FAF1: variants seen among roughly 807,000 people sequenced by gnomAD.
FAF1 encodes Fas associated factor 1, also known as FAS-associated factor 1.
Under a neutral mutation model 92.5 loss-of-function variants are expected in FAF1, and 25 were observed. The ratio of observed to expected loss-of-function variants is 0.27; its 90% confidence interval spans 0.20 to 0.38. The LOEUF is 0.38. Among genes scored for constraint, FAF1 ranks in the 10% least tolerant of loss-of-function variants. The pLI, the probability that FAF1 is intolerant of heterozygous loss-of-function variation, is 1.00. For synonymous variants in FAF1, 234 were observed against 273.2 expected (o/e 0.86, Z 1.42); for missense variants, 636 against 793.3 (o/e 0.80, Z 2.38).
chr1:50,514,974 T>C (rs1301956027), intron 15 of FAF1, among the ~76,000 whole-genome samples: 1 of 152,202 alleles, frequency 6.6e-6, no homozygotes, highest in Non-Finnish European at 1.5e-5. Context: ...GATTATGGCA[T>C]TAACCTGTTA....
At chr1:50,813,238 AG>A (rs1643933698) in intron 2 of FAF1, among the ~76,000 whole-genome samples, 1 of 152,188 alleles carries the variant, frequency 6.6e-6, no homozygotes, top group African/African-American at 2.4e-5. Flanking sequence ...AGAAAAGCAC[AG>A]GGGAAAAATT....
At chr1:50,745,059 G>T (rs1659535358) in intron 4 of FAF1, among the ~76,000 whole-genome samples, 1 of 152,134 alleles carries the variant, frequency 6.6e-6, no homozygotes, top group Non-Finnish European at 1.5e-5. Flanking sequence ...AGGCCAAGGT[G>T]GGCAGATCAC....
chr1:50,718,716 G>A (rs1363719657), intron 6 of FAF1, among the ~76,000 whole-genome samples: 1 of 152,008 alleles, frequency 6.6e-6, no homozygotes, highest in African/African-American at 2.4e-5. Flanking sequence ...ATTTTAAAAT[G>A]TGGTATTGAA....
chr1:50,475,435 T>C (rs1646626541), intron 18 of FAF1, 29 bp downstream of exon 18: 2 of 1,551,014 alleles, frequency 1.3e-6, no homozygotes, highest in South Asian at 1.1e-5. Context: ...CACCTGGATA[T>C]ACTTCCTGAG....
intron 2 of FAF1, among the ~76,000 whole-genome samples, chr1:50,831,903 C>T (rs1046504650): frequency 4.6e-5 from 7 of 151,804 alleles, no homozygotes; most frequent in African/African-American, 7.3e-5. Flanking sequence ...ACCTGAGCTC[C>T]GCCTCTCGTC....
chr1:50,954,137 C>CA (rs1184738211), intron 1 of FAF1, among the ~76,000 whole-genome samples: 1 of 151,926 alleles, frequency 6.6e-6, no homozygotes, highest in African/African-American at 2.4e-5. Flanking sequence ...TTAGTAGAGA[C>CA]AGAGTTTCAC....
At chr1:50,916,580 G>A (rs1383295608) in intron 1 of FAF1, among the ~76,000 whole-genome samples, 1 of 152,174 alleles carries the variant, frequency 6.6e-6, no homozygotes. Context: ...TAGAAACAAA[G>A]ATCTTCAAAC....
chr1:50,615,068 T>C (rs539931961), intron 8 of FAF1, among the ~76,000 whole-genome samples: 1 of 152,288 alleles, frequency 6.6e-6, no homozygotes, highest in South Asian at 2.1e-4. Context: ...CCACAGTGTC[T>C]ACTGTTCCCA....
At chr1:50,740,582 T>G in intron 5 of FAF1, among the ~76,000 whole-genome samples, 1 of 152,160 alleles carries the variant, frequency 6.6e-6, no homozygotes, top group Middle Eastern at 3.2e-3. Flanking sequence ...GTATTCTATT[T>G]CTCTTTTTTC....
intron 4 of FAF1, among the ~76,000 whole-genome samples, chr1:50,783,347 C>T (rs1373461935): frequency 2.0e-5 from 3 of 152,204 alleles, no homozygotes; most frequent in African/African-American, 7.2e-5. Flanking sequence ...TACTTCCTAA[C>T]TTCTTTCACG....
At chr1:50,614,516 A>T (rs909496680) in intron 8 of FAF1, among the ~76,000 whole-genome samples, 1 of 108,396 alleles carries the variant, frequency 9.2e-6, no homozygotes, top group East Asian at 2.0e-4. Context: ...TGATCAACAC[A>T]TAGTAATATT....
intron 7 of FAF1, among the ~76,000 whole-genome samples, chr1:50,689,175 T>TAA (rs1207965145): frequency 6.6e-6 from 1 of 152,246 alleles, no homozygotes; most frequent in African/African-American, 2.4e-5. Flanking sequence ...GTTAAAATGC[T>TAA]AAATTTTGTT....
intron 15 of FAF1, among the ~76,000 whole-genome samples, chr1:50,528,149 T>C (rs1218916938): frequency 6.6e-6 from 1 of 152,120 alleles, no homozygotes; most frequent in African/African-American, 2.4e-5. Flanking sequence ...ATTATAGCCG[T>C]GAGCCACTGC....
intron 3 of FAF1, among the ~76,000 whole-genome samples, chr1:50,793,080 A>G (rs1253874140): frequency 6.6e-6 from 1 of 152,136 alleles, no homozygotes; most frequent in Non-Finnish European, 1.5e-5. Flanking sequence ...CTAAAATACT[A>G]CTTGATCTAT....
At chr1:50,574,897 T>C (rs1187132352) in intron 12 of FAF1, among the ~76,000 whole-genome samples, 1 of 127,014 alleles carries the variant, frequency 7.9e-6, no homozygotes, top group Admixed American at 7.7e-5. Flanking sequence ...TTGTATTAAC[T>C]CTTTTTTTTT....
At chr1:50,519,366 A>AG in intron 15 of FAF1, among the ~76,000 whole-genome samples, 1 of 97,616 alleles carries the variant, frequency 1.0e-5, no homozygotes, top group African/African-American at 4.5e-5. Context: ...GAAGGAAGGA[A>AG]GGAAGGAGGG....
chr1:50,783,237 C>T (rs547369483), intron 4 of FAF1, among the ~76,000 whole-genome samples: 1 of 152,066 alleles, frequency 6.6e-6, no homozygotes, highest in African/African-American at 2.4e-5. Context: ...AATCTCCCAA[C>T]AAAGAAACAT....
intron 8 of FAF1, among the ~76,000 whole-genome samples, chr1:50,650,217 G>A (rs1654794267): frequency 6.7e-6 from 1 of 149,588 alleles, no homozygotes; most frequent in South Asian, 2.1e-4. Context: ...CCGGAAAGCA[G>A]AGGCTGCGGT....
chr1:50,907,285 T>A (rs971856796), intron 1 of FAF1, among the ~76,000 whole-genome samples: 31 of 152,242 alleles, frequency 2.0e-4, no homozygotes, highest in Admixed American at 1.1e-3. Context: ...GCTTTGCCAG[T>A]ATTTTATTGA....
Sources: allele counts gnomAD v4.1 joint callset (sites outside exome capture counted in the v4.1 genomes callset), GRCh38; gene constraint gnomAD v4.1.1; transcripts MANE v1.5; gene names NCBI Gene and HGNC (gene_info 2026-07-23, HGNC 2026-07-21).